ATXN2: variants seen among roughly 807,000 people sequenced by gnomAD.
ATXN2 encodes ataxin 2.
A neutral mutation model predicts 138.6 loss-of-function variants in ATXN2; 37 were observed. That is an observed-to-expected ratio of 0.27 (90% CI 0.21 to 0.35). ATXN2 has a LOEUF of 0.35. Among genes scored for constraint, ATXN2 ranks in the 10% least tolerant of loss-of-function variants. The pLI is 1.00. For synonymous variants in ATXN2, 549 were observed against 543.7 expected (o/e 1.01, Z -0.13); for missense variants, 1,216 against 1,480.3 (o/e 0.82, Z 2.93).
chr12:111,457,223 A>G lies in ATXN2; in HGVS notation c.3033T>C (p.Ser1011=). The change falls in exon 22 of 25, where the codon AGT becomes AGC. Residue 1011 remains serine, a synonymous_variant. Transcript: ENST00000673436. ...TCTGAGTTGCCCTTACCTGAACAGGACTGGGTGCAGGATGACTTCCACCAT... is the reference window on the plus strand; with the variant it reads ...TCTGAGTTGCCCTTACCTGAACAGGGCTGGGTGCAGGATGACTTCCACCAT... ...SQHGGSHPAP[S]PVQHHQHQAA... 1 of 1,613,640 alleles carries G rather than the reference A, an allele frequency of 6.2e-7. No individual in the cohort carries two copies. The highest frequency in any genetic ancestry group is 8.5e-7 in the Non-Finnish European group (1 of 1,179,682).
chr12:111,585,161 C>T (rs903009976), intron 1 of ATXN2, among the ~76,000 whole-genome samples: 1 of 152,154 alleles, frequency 6.6e-6, no homozygotes, highest in Non-Finnish European at 1.5e-5. Context: ...ACTAACTACA[C>T]TGTGCTATAA....
At chr12:111,471,623 G>A (rs1324475413) in intron 18 of ATXN2, 3 of 152,108 alleles carry the variant, frequency 2.0e-5, no homozygotes, top group African/African-American at 7.2e-5. Flanking sequence ...CTGCAAATTT[G>A]TGGCTAAACA....
At chr12:111,589,769 T>C (rs1427529736) in intron 1 of ATXN2, among the ~76,000 whole-genome samples, 6 of 151,614 alleles carry the variant, frequency 4.0e-5, no homozygotes, top group African/African-American at 1.4e-4. Context: ...GAAACAAAAA[T>C]TTTGCTGGGC....
intron 1 of ATXN2, among the ~76,000 whole-genome samples, chr12:111,589,939 A>G (rs942701513): frequency 1.3e-5 from 2 of 152,076 alleles, no homozygotes; most frequent in African/African-American, 4.8e-5. Context: ...GGCGAGGCGC[A>G]GTGGCTCATG....
intron 1 of ATXN2, among the ~76,000 whole-genome samples, chr12:111,594,815 TAAC>T (rs1169352503): frequency 7.9e-5 from 12 of 152,100 alleles, no homozygotes; most frequent in Non-Finnish European, 1.6e-4. Context: ...AAAGAAAGGT[TAAC>T]AACAACAACA....
At chr12:111,527,239 A>G (rs1880552555) in intron 5 of ATXN2, among the ~76,000 whole-genome samples, 1 of 152,214 alleles carries the variant, frequency 6.6e-6, no homozygotes, top group Non-Finnish European at 1.5e-5. Context: ...CTACGAACTA[A>G]GGAGTAATAC....
chr12:111,581,691 G>A (rs1421944279), intron 1 of ATXN2: 1 of 686,754 alleles, frequency 1.5e-6, no homozygotes, highest in South Asian at 1.5e-5. Context: ...ACCGCCAAGT[G>A]CCTGAACATC....
chr12:111,599,347 G>GGGAGGGGCGGC (rs1885145900), upstream of ATXN2: 12 of 1,158,342 alleles, frequency 1.0e-5, no homozygotes, highest in South Asian at 2.1e-4. Context: ...GGCCGGGCGG[G>GGGAGGGGCGGC]GGAGGGGCGG....
intron 1 of ATXN2, among the ~76,000 whole-genome samples, chr12:111,583,554 T>C (rs1420280595): frequency 1.6e-4 from 25 of 151,568 alleles, no homozygotes; most frequent in Admixed American, 1.6e-3. Flanking sequence ...CCACCTGAGG[T>C]CAGGAGTTCA....
intron 18 of ATXN2, among the ~76,000 whole-genome samples, chr12:111,483,966 T>C (rs944306163): frequency 2.0e-5 from 3 of 151,844 alleles, no homozygotes; most frequent in African/African-American, 7.3e-5. Context: ...TATTTTTTTT[T>C]TGCAGAGATA....
At chr12:111,537,354 G>A (rs1376461956) in intron 5 of ATXN2, among the ~76,000 whole-genome samples, 1 of 152,042 alleles carries the variant, frequency 6.6e-6, no homozygotes, top group Non-Finnish European at 1.5e-5. Context: ...GGAGTCCGAG[G>A]TGGGCAGATC....
chr12:111,527,697 T>G (rs2078083897), intron 5 of ATXN2, among the ~76,000 whole-genome samples: 1 of 152,138 alleles, frequency 6.6e-6, no homozygotes, highest in African/African-American at 2.4e-5. Flanking sequence ...AGGACTCAGC[T>G]GGGGGTGGAA....
rs775663513 is a variant in ATXN2, at chr12:111,513,400, C to G, written c.1515G>C (p.Arg505Ser). 6.2e-7 allele frequency: 1 copy of G among 1,614,006 alleles called. No homozygotes were observed. Among genetic ancestry groups the G allele is most frequent in the South Asian group, 1.1e-5 (1 of 91,046 alleles). ...PSEAATPPVA[R>S]TSPSGGTWSS... Reference sequence around the variant, plus strand: ...ACCACGTTCCCCCCGAGGGACTGGTCCTTGCTACTGGAGGAGTAGCTGCTT... The same window carrying G: ...ACCACGTTCCCCCCGAGGGACTGGTGCTTGCTACTGGAGGAGTAGCTGCTT... Residue 505 changes from arginine to serine, a missense_variant, in exon 11 of 25, where the codon AGG becomes AGC. By Grantham distance (110) the Arg-to-Ser change is moderately radical. This residue lies in a region of ATXN2 where 215 missense variants were observed against 210.0 expected (regional missense o/e 1.02). Coordinates refer to ENST00000673436, the MANE Select transcript of ATXN2 (RefSeq NM_001372574.1).
Position 111,552,811 on chromosome 12 carries a change from TA to T in ATXN2, c.420+94del. The stretch of plus-strand genomic sequence containing the variant: ...ATAATCAGTATTTGAAACTGAGAAG[TA>T]AAATCATTCAAAGTGGCTTTAAAAA... On this transcript the variant is annotated intron_variant, in intron 4 of 24. Coordinates refer to ENST00000673436, the MANE Select transcript of ATXN2 (RefSeq NM_001372574.1). This position sits in a 1 kb window ranked among gnomAD's most constrained non-coding sequence, Gnocchi z 4.1. The T allele has an allele frequency of 2.4e-6, 2 of 816,676 alleles. No individual in the cohort carries two copies. The highest frequency in any genetic ancestry group is 1.9e-6 in the Non-Finnish European group (1 of 533,258). The allele number at this position is 816,676 out of a possible 1,614,324, so 50.6% of individuals were successfully genotyped here.
intron 20 of ATXN2, chr12:111,469,229 T>C (rs1164130813): frequency 3.3e-5 from 5 of 151,882 alleles, no homozygotes; most frequent in African/African-American, 9.7e-5. Flanking sequence ...AAAACGCAAA[T>C]AGGAAAACTA....
At chr12:111,597,675 C>T in intron 1 of ATXN2, 1 of 481,622 alleles carries the variant, frequency 2.1e-6, no homozygotes. Context: ...CCCAGTTAGC[C>T]GGGACAACAC....
chr12:111,537,573 ACT>A (rs1881261071), intron 5 of ATXN2, among the ~76,000 whole-genome samples: 1 of 145,864 alleles, frequency 6.9e-6, no homozygotes, highest in Admixed American at 6.8e-5. Context: ...ACACAGTGAG[ACT>A]CTGTTTCAAA....
At chr12:111,456,338 C>A in intron 22 of ATXN2, 82 bp from the exon 23 acceptor site, 1 of 1,433,948 alleles carries the variant, frequency 7.0e-7, no homozygotes, top group South Asian at 1.2e-5. Flanking sequence ...CTAAGCTTTG[C>A]ACACTTGGGC....
intron 20 of ATXN2, chr12:111,469,026 G>T (rs1876229540): frequency 6.6e-6 from 1 of 152,036 alleles, no homozygotes; most frequent in Non-Finnish European, 1.5e-5. Flanking sequence ...ACTCAATTTT[G>T]CCTAAACATA....
Sources: gnomAD v4.1 joint callset for allele counts (sites outside exome capture counted in the v4.1 genomes callset) on GRCh38, gnomAD v4.1.1 for gene constraint, gnomAD v4.1.1 regional missense constraint, Gnocchi (gnomAD v3.1) non-coding constraint, MANE v1.5 for transcripts, NCBI Gene and HGNC (gene_info 2026-07-23, HGNC 2026-07-21) for gene names.